Variants in TLE4 observed in about 807,000 individuals in gnomAD.
TLE4 encodes TLE family member 4, transcriptional corepressor, also known as transducin-like enhancer protein 4.
In TLE4, 8 loss-of-function variants were observed where a neutral mutation model predicts 92.8. The ratio of observed to expected loss-of-function variants is 0.09; its 90% confidence interval spans 0.05 to 0.16. The LOEUF is 0.16. Ranked by LOEUF, TLE4 falls within the 10% of genes least tolerant of loss-of-function variation. TLE4 has a pLI of 1.00. For missense variants in TLE4, 675 were observed against 997.6 expected, an observed-to-expected ratio of 0.68 and a Z score of 4.36; for synonymous variants, 371 against 374.1, an observed-to-expected ratio of 0.99 and a Z score of 0.10.
At chr9:79,649,215 T>TA (rs1564633667) in intron 6 of TLE4, among the ~76,000 whole-genome samples, 1 of 151,898 alleles carries the variant, frequency 6.6e-6, no homozygotes, top group Non-Finnish European at 1.5e-5. Flanking sequence ...GCAGCAGATT[T>TA]ACCTCAGTGT....
chr9:79,721,271 C>CAAG (rs557613901), intron 16 of TLE4, among the ~76,000 whole-genome samples: 38 of 152,202 alleles, frequency 2.5e-4, no homozygotes, highest in Non-Finnish European at 5.1e-4. Context: ...CCTCGCCTTC[C>CAAG]GTCTTGCACA....
intron 5 of TLE4, among the ~76,000 whole-genome samples, chr9:79,615,654 A>C (rs1043304298): frequency 6.6e-6 from 1 of 152,192 alleles, no homozygotes; most frequent in East Asian, 1.9e-4. Context: ...AAAAAACTAT[A>C]TAGTACTGAA....
At chr9:79,666,163 CTGTGTGTG>C (rs34558090) in intron 8 of TLE4, among the ~76,000 whole-genome samples, 12 of 126,464 alleles carry the variant, frequency 9.5e-5, no homozygotes, top group African/African-American at 2.7e-4. Flanking sequence ...TTTCCTTCAT[CTGTGTGTG>C]TGTGTGTGTG....
At chr9:79,651,031 A>ATCTCTATC (rs2058871493) in intron 6 of TLE4, among the ~76,000 whole-genome samples, 1 of 138,744 alleles carries the variant, frequency 7.2e-6, no homozygotes, top group Non-Finnish European at 1.5e-5. Flanking sequence ...GGAATGATCG[A>ATCTCTATC]TCTCTCTCTC....
intron 14 of TLE4, 94 bp downstream of exon 14, chr9:79,709,793 G>GC: frequency 1.0e-6 from 1 of 967,180 alleles, no homozygotes. Context: ...AGTGTTGGGG[G>GC]AGTTCCCATG....
intron 14 of TLE4, among the ~76,000 whole-genome samples, chr9:79,716,690 T>C (rs1027587340): frequency 3.3e-5 from 5 of 152,218 alleles, no homozygotes; most frequent in African/African-American, 1.2e-4. Flanking sequence ...TTCGTACCCA[T>C]TCTTTATGTT....
chr9:79,667,670 G>C (rs915300163), intron 8 of TLE4, among the ~76,000 whole-genome samples: 1 of 152,130 alleles, frequency 6.6e-6, no homozygotes, highest in Non-Finnish European at 1.5e-5. Flanking sequence ...AAGGAAGGTG[G>C]GGAGTTGGGG....
In TLE4 at chr9:79,652,752, A is replaced by C. The variant is rs764211536; in HGVS notation, c.550A>C (p.Ile184Leu). The C allele has an allele frequency of 6.2e-7, 1 of 1,614,128 alleles. No individual in the cohort carries two copies. Among genetic ancestry groups the C allele is most frequent in the Non-Finnish European group, 8.5e-7 (1 of 1,180,022 alleles). Reference sequence around the variant, plus strand: ...TCTAGGAGGTCAGTCCCATCTTCCAATTAAAGATGAGAAGAAGCACCATGA... The same window carrying C: ...TCTAGGAGGTCAGTCCCATCTTCCACTTAAAGATGAGAAGAAGCACCATGA... ...SALGGQSHLP[I>L]KDEKKHHDND... is the part of the protein sequence containing the mutation. The change falls in exon 7 of 20, where the codon ATT becomes CTT. Residue 184 changes from isoleucine to leucine, a missense_variant. Coordinates refer to ENST00000376552, the MANE Select transcript of TLE4 (RefSeq NM_007005.6).
At chr9:79,691,623 A>C (rs919679218) in intron 8 of TLE4, among the ~76,000 whole-genome samples, 1 of 151,996 alleles carries the variant, frequency 6.6e-6, no homozygotes, top group Non-Finnish European at 1.5e-5. Flanking sequence ...GTCAGCACCC[A>C]GTCCTCCTGT....
intron 5 of TLE4, among the ~76,000 whole-genome samples, chr9:79,614,544 C>A (rs1423745397): frequency 2.0e-5 from 3 of 152,112 alleles, no homozygotes; most frequent in Non-Finnish European, 4.4e-5. Context: ...AGGTGAAAGC[C>A]ATGGGGAGAT....
intron 4 of TLE4, among the ~76,000 whole-genome samples, chr9:79,602,207 G>T (rs1159627483): frequency 6.6e-6 from 1 of 152,234 alleles, no homozygotes; most frequent in Non-Finnish European, 1.5e-5. Flanking sequence ...AAGTGAAGCG[G>T]CAAGTACTGA....
At chr9:79,622,754 T>C (rs1445451969) in intron 5 of TLE4, among the ~76,000 whole-genome samples, 1 of 152,134 alleles carries the variant, frequency 6.6e-6, no homozygotes, top group Middle Eastern at 3.2e-3. Context: ...TTTGAATGAA[T>C]GGATGAAAAA....
intron 1 of TLE4, chr9:79,573,119 T>A: frequency 1.6e-6 from 1 of 635,776 alleles, no homozygotes. Context: ...CCGCGACTCC[T>A]CGAGGGGGGG....
chr9:79,716,046 C>T (rs1351909419), intron 14 of TLE4, among the ~76,000 whole-genome samples: 4 of 152,198 alleles, frequency 2.6e-5, no homozygotes, highest in African/African-American at 9.7e-5. Context: ...CACCTACACT[C>T]CATTCTTCAC....
At position 79,698,271 on chromosome 9, in the gene TLE4, T is replaced by C. The variant is rs570363818; in HGVS notation, c.610-6512T>C. Among the ~76,000 whole-genome samples the C allele has an allele frequency of 3.9e-5, 6 of 152,342 alleles. No homozygotes were observed. The South Asian group carries it at 1.2e-3, about 32-fold the overall frequency. On this transcript the variant is annotated intron_variant, in intron 8 of 19. Coordinates refer to ENST00000376552, the MANE Select transcript of TLE4 (RefSeq NM_007005.6). ...ATAACCATTGTAGACACTGCCTCTC[T>C]TCTGTTATTCTTCTGACTGTTGGTT...
At chr9:79,695,544 T>A (rs1458365755) in intron 8 of TLE4, among the ~76,000 whole-genome samples, 1 of 152,238 alleles carries the variant, frequency 6.6e-6, no homozygotes, top group Non-Finnish European at 1.5e-5. Flanking sequence ...CCCATTCATT[T>A]GTTCAGCAGC....
chr9:79,695,093 A>G (rs2067943034), intron 8 of TLE4, among the ~76,000 whole-genome samples: 1 of 152,128 alleles, frequency 6.6e-6, no homozygotes, highest in Admixed American at 6.6e-5. Context: ...TTTCTATTAC[A>G]ATTTTTAAAA....
rs1004892741 is a variant in TLE4 at position 79,725,388 on chromosome 9, C to T, written c.*244C>T. 3.1e-6 allele frequency: 1 copy of T among 327,796 alleles called. No homozygotes were observed. The highest frequency in any genetic ancestry group is 2.1e-5 in the African/African-American group (1 of 46,566). 20.3% of individuals were successfully genotyped at this position (327,796 alleles called of 1,614,324 possible). On this transcript the variant is annotated 3_prime_UTR_variant, in exon 20 of 20. Transcript: ENST00000376552. ...AAGAACATGGAATAAGCATACTTAACAGTGAAAAGAATCTTTAATTATGTA... is the reference window on the plus strand; with the variant it reads ...AAGAACATGGAATAAGCATACTTAATAGTGAAAAGAATCTTTAATTATGTA...
chr9:79,635,800 G>T (rs554426584), intron 6 of TLE4, among the ~76,000 whole-genome samples: 8 of 152,020 alleles, frequency 5.3e-5, no homozygotes, highest in African/African-American at 1.7e-4. Flanking sequence ...TCTCCATTCC[G>T]TTTTGCACTT....
Sources: allele counts gnomAD v4.1 joint callset (sites outside exome capture counted in the v4.1 genomes callset), GRCh38; gene constraint gnomAD v4.1.1; transcripts MANE v1.5; gene names NCBI Gene and HGNC (gene_info 2026-07-23, HGNC 2026-07-21).